Variants in GDI2 observed in about 807,000 individuals in gnomAD.
GDI2 encodes the protein rab GDP dissociation inhibitor beta.
Under a neutral mutation model 54.2 loss-of-function variants are expected in GDI2, and 22 were observed. The observed-to-expected ratio is 0.41, with a 90% CI of 0.29 to 0.58. The LOEUF is 0.58. Among genes scored for constraint, GDI2 ranks in the 20% least tolerant of loss-of-function variants. The pLI, the probability that GDI2 is intolerant of heterozygous loss-of-function variation, is 0.35. For missense variants in GDI2, 422 were observed against 546.0 expected (o/e 0.77, Z 2.26); for synonymous variants, 177 against 182.1 (o/e 0.97, Z 0.23).
chr10:5,802,644 C>T (rs1212744768), intron 1 of GDI2, among the ~76,000 whole-genome samples: 1 of 151,784 alleles, frequency 6.6e-6, no homozygotes, highest in Non-Finnish European at 1.5e-5. Context: ...CCACCATGGG[C>T]ACACGTCAGG....
chr10:5,781,957 G>C (rs562759365), intron 6 of GDI2, among the ~76,000 whole-genome samples: 1 of 152,310 alleles, frequency 6.6e-6, no homozygotes, highest in Non-Finnish European at 1.5e-5. Flanking sequence ...AGGTTGTAGT[G>C]AGCCAAGATC....
chr10:5,796,073 T>C (rs1236827300), intron 3 of GDI2, among the ~76,000 whole-genome samples: 5 of 152,102 alleles, frequency 3.3e-5, no homozygotes, highest in Admixed American at 3.3e-4. Flanking sequence ...ATTACAGCAA[T>C]TTAAAAAAAT....
At position 5,774,636 on chromosome 10, in the gene GDI2, C is replaced by G. The variant is rs1840576372; in HGVS notation, c.720-695G>C. On this transcript the variant is annotated intron_variant, in intron 6 of 10. Coordinates refer to ENST00000380191, the MANE Select transcript of GDI2 (RefSeq NM_001494.4). This position sits in a 1 kb window ranked among gnomAD's most constrained non-coding sequence, Gnocchi z 4.8. ...ACCCTGATGGATGGCTCTTCGGGGT[C>G]CACACTGAGCAGACCTGAGACACTA... Among the ~76,000 whole-genome samples, 1 of 152,166 alleles carries G rather than the reference C, an allele frequency of 6.6e-6. No individual in the cohort carries two copies. The highest frequency in any genetic ancestry group is 2.1e-4 in the South Asian group (1 of 4,828).
chr10:5,790,711 C>T (rs986849785), intron 4 of GDI2, among the ~76,000 whole-genome samples: 2 of 152,034 alleles, frequency 1.3e-5, no homozygotes, highest in Non-Finnish European at 2.9e-5. Context: ...TTATGTTATC[C>T]GTATGGCCTC....
chr10:5,776,651 G>C lies in GDI2; in HGVS notation c.720-2710C>G. ...TGGTCCAATAGAAAAGGAGCTGGAT[G>C]TAGATGCTGATTTTGTAGAAAAGTC... On this transcript the variant is annotated intron_variant, in intron 6 of 10. Transcript: ENST00000380191. This position sits in a 1 kb window ranked among gnomAD's most constrained non-coding sequence, Gnocchi z 5.3. 2 of 1,473,602 alleles carry C rather than the reference G, an allele frequency of 1.4e-6. No homozygotes were observed. The highest frequency in any genetic ancestry group is 1.9e-6 in the Non-Finnish European group (2 of 1,057,964). The allele number at this position is 1,473,602 out of a possible 1,614,324, so 91.3% of individuals were successfully genotyped here.
At chr10:5,809,780 CAG>C (rs1203804450) in intron 1 of GDI2, among the ~76,000 whole-genome samples, 3 of 152,190 alleles carry the variant, frequency 2.0e-5, no homozygotes, top group Non-Finnish European at 2.9e-5. Context: ...GGAGGGAAGA[CAG>C]AGGTAATTGC....
At chr10:5,799,292 G>A (rs182018462) in intron 2 of GDI2, among the ~76,000 whole-genome samples, 96 of 152,324 alleles carry the variant, frequency 6.3e-4, no homozygotes, top group South Asian at 4.8e-3. Flanking sequence ...AGCTACGATC[G>A]CACTGCTGCA....
chr10:5,804,375 T>C (rs1277604026), intron 1 of GDI2, among the ~76,000 whole-genome samples: 1 of 152,188 alleles, frequency 6.6e-6, no homozygotes, highest in Non-Finnish European at 1.5e-5. Context: ...ATTACAGGCA[T>C]GAACCACTAC....
At chr10:5,792,790 A>G (rs1444300325) in intron 4 of GDI2, among the ~76,000 whole-genome samples, 1 of 151,896 alleles carries the variant, frequency 6.6e-6, no homozygotes, top group Non-Finnish European at 1.5e-5. Context: ...GACTCGAAAT[A>G]TACCTTTTAA....
At chr10:5,803,481 C>T (rs566566255) in intron 1 of GDI2, among the ~76,000 whole-genome samples, 8 of 152,098 alleles carry the variant, frequency 5.3e-5, no homozygotes, top group Non-Finnish European at 1.0e-4. Flanking sequence ...AACATGTAAT[C>T]GGTTTATTAT....
At chr10:5,794,188 A>AAAT (rs1448053813) in intron 4 of GDI2, among the ~76,000 whole-genome samples, 6 of 40,338 alleles carry the variant, frequency 1.5e-4, no homozygotes, top group African/African-American at 2.0e-4. Flanking sequence ...AAAAAAAAAA[A>AAAT]ATATATATAT....
intron 1 of GDI2, among the ~76,000 whole-genome samples, chr10:5,807,054 G>C (rs906477359): frequency 1.3e-5 from 2 of 152,114 alleles, no homozygotes; most frequent in African/African-American, 4.8e-5. Flanking sequence ...AATATGACAA[G>C]AGCTAACTAA....
At position 5,776,258 on chromosome 10, in the gene GDI2, A is replaced by G; in HGVS notation, c.720-2317T>C. 2.0e-6 allele frequency: 1 copy of G among 492,414 alleles called. No homozygotes were observed. The highest frequency in any genetic ancestry group is 3.8e-6 in the Non-Finnish European group (1 of 260,512). 30.5% of individuals were successfully genotyped at this position (492,414 alleles called of 1,614,324 possible). On this transcript the variant is annotated intron_variant, in intron 6 of 10. Coordinates refer to ENST00000380191, the MANE Select transcript of GDI2 (RefSeq NM_001494.4). The surrounding 1 kb of genome is among the most constrained non-coding windows in gnomAD (Gnocchi z 5.3). ...GAAACAGCGCCTCCTCATCCAAGACAGGTGGAAAAGGGCCCAGCGTGAAAA... is the reference window on the plus strand; with the variant it reads ...GAAACAGCGCCTCCTCATCCAAGACGGGTGGAAAAGGGCCCAGCGTGAAAA...
At chr10:5,797,578 T>C in intron 2 of GDI2, among the ~76,000 whole-genome samples, 1 of 95,918 alleles carries the variant, frequency 1.0e-5, no homozygotes, top group Non-Finnish European at 2.1e-5. Flanking sequence ...ATTAGCGGGG[T>C]GTGGTGTGTG....
chr10:5,808,950 A>G (rs1307733169), intron 1 of GDI2, among the ~76,000 whole-genome samples: 1 of 152,022 alleles, frequency 6.6e-6, no homozygotes, highest in Admixed American at 6.5e-5. Context: ...AATGCATCTC[A>G]TTAAAAACTG....
chr10:5,765,709 T>G lies in GDI2; in HGVS notation c.*297A>C. The G allele has an allele frequency of 3.2e-6, 1 of 309,992 alleles. No homozygotes were observed. The highest frequency in any genetic ancestry group is 5.9e-6 in the Non-Finnish European group (1 of 169,860). The allele number at this position is 309,992 out of a possible 1,614,324, so 19.2% of individuals were successfully genotyped here. On this transcript the variant is annotated 3_prime_UTR_variant, in exon 11 of 11. Coordinates refer to ENST00000380191, the MANE Select transcript of GDI2 (RefSeq NM_001494.4). ...GCACATAGCTACACTGATTAAAAGA[T>G]TAAAAAAACTGTCTCAAGTTGTCTG...
intron 1 of GDI2, among the ~76,000 whole-genome samples, chr10:5,812,575 T>C (rs1312098641): frequency 6.6e-6 from 1 of 150,464 alleles, no homozygotes; most frequent in Non-Finnish European, 1.5e-5. Flanking sequence ...ATTCTACAGA[T>C]GCTCAGTAAG....
intron 6 of GDI2, among the ~76,000 whole-genome samples, chr10:5,784,934 A>G (rs1423696650): frequency 6.6e-6 from 1 of 152,264 alleles, no homozygotes; most frequent in Non-Finnish European, 1.5e-5. Context: ...CACTTACAAG[A>G]GCACATCAGC....
In GDI2 at chr10:5,785,989, G is replaced by A. The variant is rs140194178; in HGVS notation, c.450C>T (p.Phe150=). The part of the protein sequence containing the change: ...FRKFLVYVAN[F]DEKDPRTFEG... ...CAAAAGTTCTTGGATCTTTTTCATC[G>A]AAGTTGGCAACATACACTAGGAATT... is the stretch of plus-strand genomic sequence containing the variant. The change falls in exon 5 of 11, where the codon TTC becomes TTT. Residue 150 remains phenylalanine (F), a synonymous_variant. Coordinates refer to ENST00000380191, the MANE Select transcript of GDI2 (RefSeq NM_001494.4). The A allele has an allele frequency of 2.9e-5, 47 of 1,613,088 alleles. No individual in the cohort carries two copies. In the African/African-American group the frequency reaches 4.4e-4, roughly 15 times the overall value.
Sources: gnomAD v4.1 joint callset for allele counts (sites outside exome capture counted in the v4.1 genomes callset) on GRCh38, gnomAD v4.1.1 for gene constraint, Gnocchi (gnomAD v3.1) non-coding constraint, MANE v1.5 for transcripts, NCBI Gene and HGNC (gene_info 2026-07-23, HGNC 2026-07-21) for gene names.